Variants in CPQ observed in about 807,000 individuals in gnomAD.
The protein encoded by CPQ is Ser-Met dipeptidase.
CPQ carries 37 observed loss-of-function variants against 45.7 expected under a neutral mutation model. That is an observed-to-expected ratio of 0.81 (90% CI 0.62 to 1.07). The LOEUF (loss-of-function observed/expected upper bound fraction) is 1.07. CPQ is among the 50% of genes least tolerant of loss of function. The pLI is 0.00. For synonymous variants in CPQ, 186 were observed against 205.8 expected, an observed-to-expected ratio of 0.90 and a Z score of 0.82; for missense variants, 537 against 572.9, an observed-to-expected ratio of 0.94 and a Z score of 0.64.
intron 1 of CPQ, among the ~76,000 whole-genome samples, chr8:96,777,272 A>G (rs1327859512): frequency 6.6e-6 from 1 of 152,174 alleles, no homozygotes. Flanking sequence ...AAGGTACAGC[A>G]GCAATAGGAA....
At chr8:97,068,830 A>T (rs913238369) in intron 7 of CPQ, among the ~76,000 whole-genome samples, 2 of 152,206 alleles carry the variant, frequency 1.3e-5, no homozygotes, top group African/African-American at 4.8e-5. Flanking sequence ...GCCCAAGACT[A>T]TACTGCCCTT....
At chr8:97,052,832 C>T (rs1810385299) in intron 6 of CPQ, among the ~76,000 whole-genome samples, 3 of 152,144 alleles carry the variant, frequency 2.0e-5, no homozygotes, top group Admixed American at 2.0e-4. Flanking sequence ...AAATCACTAT[C>T]ACTCTATATA....
At chr8:97,041,652 A>G (rs1246422852) in intron 6 of CPQ, among the ~76,000 whole-genome samples, 2 of 152,190 alleles carry the variant, frequency 1.3e-5, no homozygotes, top group African/African-American at 4.8e-5. Context: ...ATTTTGAGTT[A>G]CGTCCCCTCA....
chr8:96,821,208 G>T (rs1353354572), intron 2 of CPQ, among the ~76,000 whole-genome samples: 1 of 140,640 alleles, frequency 7.1e-6, no homozygotes, highest in African/African-American at 2.6e-5. Context: ...TTGTCAGATG[G>T]ATAGTTTGCA....
chr8:96,854,311 C>G (rs1408245457), intron 3 of CPQ, among the ~76,000 whole-genome samples: 1 of 151,414 alleles, frequency 6.6e-6, no homozygotes, highest in African/African-American at 2.4e-5. Context: ...GCGGGCGGAT[C>G]ACGAGGTCAG....
At chr8:96,987,272 A>G (rs1057322807) in intron 5 of CPQ, among the ~76,000 whole-genome samples, 4 of 152,148 alleles carry the variant, frequency 2.6e-5, no homozygotes, top group Non-Finnish European at 5.9e-5. Flanking sequence ...GTAAAAACCA[A>G]TAGTGTCTTT....
intron 4 of CPQ, among the ~76,000 whole-genome samples, chr8:96,882,232 A>G (rs957447966): frequency 3.3e-5 from 5 of 152,226 alleles, no homozygotes; most frequent in African/African-American, 7.2e-5. Flanking sequence ...TGCCACAGGG[A>G]TGATGGAAAA....
chr8:96,870,848 C>T (rs1443077666), intron 3 of CPQ, among the ~76,000 whole-genome samples: 1 of 151,948 alleles, frequency 6.6e-6, no homozygotes, highest in East Asian at 1.9e-4. Flanking sequence ...ATCACCCTTC[C>T]TTAAATCTGT....
intron 1 of CPQ, among the ~76,000 whole-genome samples, chr8:96,728,789 G>A (rs1241490488): frequency 1.3e-5 from 2 of 152,146 alleles, no homozygotes; most frequent in African/African-American, 2.4e-5. Context: ...GTTCGTTAGA[G>A]CAAGATGCTA....
At chr8:96,648,673 A>G (rs1815543740) in intron 1 of CPQ, among the ~76,000 whole-genome samples, 1 of 152,184 alleles carries the variant, frequency 6.6e-6, no homozygotes, top group Admixed American at 6.5e-5. Context: ...GTAATGTGGA[A>G]GTAGTGGCCA....
chr8:96,836,793 AT>A (rs200497470), intron 3 of CPQ, among the ~76,000 whole-genome samples: 7,011 of 142,250 alleles, frequency 0.049, 190 homozygotes, highest in South Asian at 0.069. Flanking sequence ...ATTCACTGGC[AT>A]TTTTTTTTTT....
chr8:97,052,220 G>A (rs986189448), intron 6 of CPQ, among the ~76,000 whole-genome samples: 4 of 151,968 alleles, frequency 2.6e-5, no homozygotes, highest in Non-Finnish European at 5.9e-5. Context: ...ACCTCCCTTA[G>A]TTCAATACAG....
intron 1 of CPQ, among the ~76,000 whole-genome samples, chr8:96,753,237 G>T (rs1422081712): frequency 6.6e-6 from 1 of 151,944 alleles, no homozygotes; most frequent in East Asian, 1.9e-4. Context: ...TCTATTTCAG[G>T]CCTGTTTGTT....
At chr8:96,766,026 CA>C (rs1586391830) in intron 1 of CPQ, among the ~76,000 whole-genome samples, 1 of 152,128 alleles carries the variant, frequency 6.6e-6, no homozygotes, top group South Asian at 2.1e-4. Flanking sequence ...CAAGGCTTCC[CA>C]AAAGGTAAGA....
At chr8:96,720,878 C>T (rs1586372754) in intron 1 of CPQ, among the ~76,000 whole-genome samples, 1 of 152,154 alleles carries the variant, frequency 6.6e-6, no homozygotes, top group East Asian at 1.9e-4. Context: ...GTTGCGAATG[C>T]ATTTTCTATG....
intron 5 of CPQ, among the ~76,000 whole-genome samples, chr8:96,999,485 G>A (rs1264409070): frequency 6.6e-6 from 1 of 151,902 alleles, no homozygotes; most frequent in Non-Finnish European, 1.5e-5. Flanking sequence ...GTGAGAAGAT[G>A]TAGTATTTGT....
chr8:97,083,041 C>CACTT (rs1379664396), intron 7 of CPQ, among the ~76,000 whole-genome samples: 1 of 152,180 alleles, frequency 6.6e-6, no homozygotes, highest in African/African-American at 2.4e-5. Flanking sequence ...CAAGATTCAT[C>CACTT]ACTTATAGCA....
At chr8:97,065,910 G>A (rs969948388) in intron 6 of CPQ, 99 bp from the exon 7 acceptor site, 64 of 1,173,372 alleles carry the variant, frequency 5.5e-5, no homozygotes, top group East Asian at 1.0e-4. Flanking sequence ...TGGCACAGCC[G>A]TAAGGAGGTA....
intron 3 of CPQ, among the ~76,000 whole-genome samples, chr8:96,847,325 A>C (rs760184010): frequency 1.9e-4 from 29 of 152,170 alleles, no homozygotes; most frequent in Admixed American, 2.6e-4. Flanking sequence ...ATGTTTTTCT[A>C]ATTCAATTAT....
Sources: gnomAD v4.1 joint callset for allele counts (sites outside exome capture counted in the v4.1 genomes callset) on GRCh38, gnomAD v4.1.1 for gene constraint, MANE v1.5 for transcripts, NCBI Gene and HGNC (gene_info 2026-07-23, HGNC 2026-07-21) for gene names.